The following CERS6 variants were observed in gnomAD, a reference collection of about 807,000 sequenced individuals.
CERS6 encodes the protein LAG1 homolog, ceramide synthase 6.
Under a neutral mutation model 56.8 loss-of-function variants are expected in CERS6, and 26 were observed. The ratio of observed to expected loss-of-function variants is 0.46; its 90% CI spans 0.34 to 0.63. The LOEUF (loss-of-function observed/expected upper bound fraction) is 0.63, where lower values mean the gene tolerates loss of function less well. Ranked by LOEUF, CERS6 falls within the 30% of genes least tolerant of loss-of-function variation. CERS6 has a pLI of 0.01. For synonymous variants in CERS6, 164 were observed against 173.3 expected, an observed-to-expected ratio of 0.95 and a Z score of 0.42; for missense variants, 415 against 467.5, an observed-to-expected ratio of 0.89 and a Z score of 1.04.
At chr2:168,662,226 T>G (rs1222722185) in intron 4 of CERS6, among the ~76,000 whole-genome samples, 1 of 151,774 alleles carries the variant, frequency 6.6e-6, no homozygotes, top group African/African-American at 2.4e-5. Context: ...TCTAACCAAC[T>G]TAAAAACCAT....
chr2:168,757,962 A>G (rs1684463563), intron 8 of CERS6, among the ~76,000 whole-genome samples: 1 of 152,178 alleles, frequency 6.6e-6, no homozygotes. Context: ...GATGTTATTT[A>G]AGCCTGGAGC....
chr2:168,621,192 A>G (rs915970898), intron 3 of CERS6, among the ~76,000 whole-genome samples: 1 of 152,216 alleles, frequency 6.6e-6, no homozygotes, highest in African/African-American at 2.4e-5. Flanking sequence ...CAAGGGACAC[A>G]TGACATTAGT....
chr2:168,693,907 G>A (rs1686571081), intron 5 of CERS6, among the ~76,000 whole-genome samples: 1 of 152,142 alleles, frequency 6.6e-6, no homozygotes, highest in Non-Finnish European at 1.5e-5. Flanking sequence ...GTATTTTGTT[G>A]TCAAAGATCT....
intron 8 of CERS6, among the ~76,000 whole-genome samples, chr2:168,750,520 A>C (rs575049071): frequency 2.0e-5 from 3 of 152,306 alleles, no homozygotes; most frequent in Admixed American, 2.0e-4. Context: ...TACTGCTTTT[A>C]TAACTGCTTT....
At chr2:168,515,094 T>C (rs1008372412) in intron 1 of CERS6, among the ~76,000 whole-genome samples, 1 of 152,154 alleles carries the variant, frequency 6.6e-6, no homozygotes, top group Admixed American at 6.5e-5. Flanking sequence ...TAAAATGAGA[T>C]TTTAGTATTT....
chr2:168,473,696 A>G (rs1298337694), intron 1 of CERS6, among the ~76,000 whole-genome samples: 1 of 152,170 alleles, frequency 6.6e-6, no homozygotes, highest in Non-Finnish European at 1.5e-5. Flanking sequence ...TGATATGTCT[A>G]TAGTCTCATT....
chr2:168,683,786 G>A lies in CERS6; in HGVS notation c.466-7248G>A, dbSNP rs563113267. Among the ~76,000 whole-genome samples the A allele has an allele frequency of 5.3e-5, 8 of 152,232 alleles. No homozygotes were observed. The East Asian group carries it at 5.8e-4, about 11-fold the overall frequency. On this transcript the variant is annotated intron_variant, in intron 4 of 9. Coordinates refer to ENST00000305747, the MANE Select transcript of CERS6 (RefSeq NM_203463.3). ...ACATCAGAGAGGTGGTCTTTCAAGC[G>A]CCATATCCCCAGACTCTTGAGAATC...
chr2:168,578,387 G>A (rs546649713), intron 3 of CERS6, among the ~76,000 whole-genome samples: 33 of 152,130 alleles, frequency 2.2e-4, no homozygotes, highest in African/African-American at 7.5e-4. Context: ...AGCTGCTGAG[G>A]TAGTAAATTT....
At chr2:168,683,592 G>A (rs1184368426) in intron 4 of CERS6, among the ~76,000 whole-genome samples, 3 of 152,070 alleles carry the variant, frequency 2.0e-5, no homozygotes, top group East Asian at 1.9e-4. Context: ...CTCTCTCCCC[G>A]TGTGTTGACA....
intron 4 of CERS6, among the ~76,000 whole-genome samples, chr2:168,631,481 AAT>A (rs1405820228): frequency 8.0e-6 from 1 of 124,282 alleles, no homozygotes; most frequent in South Asian, 2.2e-4. Flanking sequence ...TATAATATAT[AAT>A]ATATAAACTA....
intron 6 of CERS6, among the ~76,000 whole-genome samples, chr2:168,707,868 C>T (rs1054010773): frequency 1.2e-4 from 18 of 152,050 alleles, no homozygotes; most frequent in Non-Finnish European, 2.4e-4. Flanking sequence ...ATTATTAAAG[C>T]TTTAGAAGTT....
At chr2:168,657,679 C>G (rs914976992) in intron 4 of CERS6, among the ~76,000 whole-genome samples, 1 of 152,224 alleles carries the variant, frequency 6.6e-6, no homozygotes, top group African/African-American at 2.4e-5. Flanking sequence ...GCCACTGGCC[C>G]GGGTGCTAAG....
At chr2:168,633,694 A>G (rs2390724) in intron 4 of CERS6, among the ~76,000 whole-genome samples, 2,629 of 152,290 alleles carry the variant, frequency 0.017, 105 homozygotes, top group East Asian at 0.16. Context: ...GGAATGGACA[A>G]TATGTTTGCC....
intron 1 of CERS6, among the ~76,000 whole-genome samples, chr2:168,531,137 G>T (rs1695159062): frequency 6.6e-6 from 1 of 152,172 alleles, no homozygotes; most frequent in Non-Finnish European, 1.5e-5. Context: ...AAGAATGCAA[G>T]ATGACTTAAT....
intron 9 of CERS6, among the ~76,000 whole-genome samples, chr2:168,768,653 C>T (rs1361486507): frequency 2.0e-5 from 3 of 151,938 alleles, no homozygotes; most frequent in Non-Finnish European, 4.4e-5. Context: ...CACCTGTAAT[C>T]CCAACACTTC....
chr2:168,711,128 G>C (rs1322798563), intron 6 of CERS6, among the ~76,000 whole-genome samples: 1 of 152,168 alleles, frequency 6.6e-6, no homozygotes, highest in Admixed American at 6.5e-5. Context: ...AATATGTATG[G>C]TTGTCCATAA....
chr2:168,460,483 C>A (rs1262823157), intron 1 of CERS6, among the ~76,000 whole-genome samples: 1 of 152,094 alleles, frequency 6.6e-6, no homozygotes, highest in Non-Finnish European at 1.5e-5. Context: ...AGGTGTGAGC[C>A]CCTGCACCTG....
chr2:168,551,997 G>A (rs1390503794), intron 2 of CERS6, among the ~76,000 whole-genome samples: 5 of 152,044 alleles, frequency 3.3e-5, no homozygotes, highest in Admixed American at 3.3e-4. Flanking sequence ...TAAGCCATGG[G>A]GGTGAGAATA....
In CERS6 at chr2:168,740,891, T is replaced by C. The variant is rs553893972; in HGVS notation, c.845+22913T>C. The stretch of plus-strand genomic sequence containing the variant: ...AGTAGGAGTTGGTCATTATTTAGAG[T>C]AGAGTGGTGGTAGTGGTGGTAGACA... On this transcript the variant is annotated intron_variant, in intron 8 of 9. Transcript: ENST00000305747. Among the ~76,000 whole-genome samples the C allele has an allele frequency of 3.6e-3, 546 of 152,036 alleles. 2 individuals are homozygous for C. Among genetic ancestry groups the C allele is most frequent in the African/African-American group, 0.012 (515 of 41,472 alleles).
Sources: allele counts gnomAD v4.1 joint callset (sites outside exome capture counted in the v4.1 genomes callset), GRCh38; gene constraint gnomAD v4.1.1; transcripts MANE v1.5; gene names NCBI Gene and HGNC (gene_info 2026-07-23, HGNC 2026-07-21).